Variants in NCKAP5 observed in about 807,000 individuals in gnomAD.
NCKAP5 encodes the protein nck-associated protein 5.
A neutral mutation model predicts 167.0 loss-of-function variants in NCKAP5; 92 were observed. The ratio of observed to expected loss-of-function variants is 0.55; its 90% CI spans 0.47 to 0.66. NCKAP5 has a LOEUF of 0.66. Among genes scored for constraint, NCKAP5 ranks in the 30% least tolerant of loss-of-function variants. NCKAP5 has a pLI of 0.00. For synonymous variants in NCKAP5, 891 were observed against 877.4 expected, an observed-to-expected ratio of 1.02 and a Z score of -0.27; for missense variants, 2,378 against 2,315.0, an observed-to-expected ratio of 1.03 and a Z score of -0.56.
chr2:133,330,244 ATTTTTTT>A (rs765058418), intron 3 of NCKAP5, among the ~76,000 whole-genome samples: 4 of 88,152 alleles, frequency 4.5e-5, no homozygotes, highest in South Asian at 4.4e-4. Context: ...TATTTTTTGT[ATTTTTTT>A]TTTTTTTTTT....
chr2:132,985,063 A>G (rs2077251221), intron 7 of NCKAP5, among the ~76,000 whole-genome samples: 1 of 151,918 alleles, frequency 6.6e-6, no homozygotes, highest in African/African-American at 2.4e-5. Context: ...AACAGCGGGT[A>G]CATACATTGG....
chr2:133,130,089 A>G lies in NCKAP5; in HGVS notation c.230T>C (p.Leu77Pro), dbSNP rs761153510. The G allele has an allele frequency of 8.1e-6, 13 of 1,610,786 alleles. No individual in the cohort carries two copies. The Admixed American group carries it at 2.2e-4, about 27-fold the overall frequency. ...AAGACGTAAGTGTCTCTCCTCTTCC[A>G]GTTCATGTATCAGCTTCTCATGCTA... ...GAMHEKLIHE[L>P]EEERHLRLQS... Residue 77 changes from leucine to proline, a missense_variant, in exon 6 of 20, where the codon CTG (leucine) becomes CCG (proline). Physicochemically the swap from Leu to Pro is moderately conservative, Grantham distance 98. Coordinates refer to ENST00000409261, the MANE Select transcript of NCKAP5 (RefSeq NM_207363.3).
chr2:133,483,475 T>C (rs1477086850), intron 3 of NCKAP5, among the ~76,000 whole-genome samples: 2 of 152,144 alleles, frequency 1.3e-5, no homozygotes, highest in Non-Finnish European at 2.9e-5. Context: ...CTTAGAAACT[T>C]GCAAATGAGT....
chr2:133,129,822 C>T (rs2082535074), intron 6 of NCKAP5, 156 bp downstream of exon 6: 1 of 791,858 alleles, frequency 1.3e-6, no homozygotes, highest in Admixed American at 4.0e-5. Flanking sequence ...GTCTGAATGC[C>T]ATAGGATGCT....
At chr2:133,040,664 A>T (rs2079186555) in intron 6 of NCKAP5, among the ~76,000 whole-genome samples, 1 of 152,220 alleles carries the variant, frequency 6.6e-6, no homozygotes, top group African/African-American at 2.4e-5. Context: ...TGAGAGGAAA[A>T]ATAATAATGT....
chr2:133,248,751 G>C (rs1362075595), intron 4 of NCKAP5, among the ~76,000 whole-genome samples: 1 of 152,208 alleles, frequency 6.6e-6, no homozygotes, highest in Admixed American at 6.5e-5. Context: ...CCTTGACTCA[G>C]ACTGATCCAG....
intron 6 of NCKAP5, among the ~76,000 whole-genome samples, chr2:133,064,443 C>A (rs2080119404): frequency 6.6e-6 from 1 of 151,898 alleles, no homozygotes. Context: ...GAACTGAAAA[C>A]CCAGTTTTCC....
intron 2 of NCKAP5, among the ~76,000 whole-genome samples, chr2:133,538,885 G>T (rs1685962027): frequency 6.7e-6 from 1 of 148,170 alleles, no homozygotes; most frequent in Non-Finnish European, 1.5e-5. Context: ...AGCTTCATCT[G>T]AGATGTACCT....
At chr2:132,845,895 CT>C (rs1439024807) in intron 11 of NCKAP5, among the ~76,000 whole-genome samples, 1 of 152,156 alleles carries the variant, frequency 6.6e-6, no homozygotes, top group Non-Finnish European at 1.5e-5. Context: ...ATAACATTGA[CT>C]TTTCTCATCT....
chr2:132,749,775 A>G (rs2104777240), intron 16 of NCKAP5, among the ~76,000 whole-genome samples: 1 of 152,270 alleles, frequency 6.6e-6, no homozygotes, highest in South Asian at 2.1e-4. Flanking sequence ...CTGCTTAGCC[A>G]CGCAGGACAG....
At chr2:132,692,018 C>T (rs1199736305) in intron 19 of NCKAP5, among the ~76,000 whole-genome samples, 3 of 152,290 alleles carry the variant, frequency 2.0e-5, no homozygotes, top group Non-Finnish European at 4.4e-5. Context: ...TACAAAACCT[C>T]TGTTCAAATG....
chr2:132,897,366 G>A, intron 8 of NCKAP5, among the ~76,000 whole-genome samples: 1 of 152,190 alleles, frequency 6.6e-6, no homozygotes, highest in East Asian at 1.9e-4. Flanking sequence ...CAGATGGCTG[G>A]GAAAACAGTG....
At chr2:133,578,587 A>G in the NCKAP5 span, among the ~76,000 whole-genome samples, 5 of 152,248 alleles carry the variant, frequency 3.3e-5, no homozygotes, top group Non-Finnish European at 7.3e-5. Context: ...CAGTCACTCC[A>G]AGGGGCCATA....
chr2:133,524,506 A>C (rs899857894), intron 2 of NCKAP5, among the ~76,000 whole-genome samples: 1 of 152,196 alleles, frequency 6.6e-6, no homozygotes, highest in Non-Finnish European at 1.5e-5. Flanking sequence ...TACGTATATC[A>C]TAAAACCTCA....
intron 1 of NCKAP5, among the ~76,000 whole-genome samples, chr2:133,564,400 T>C (rs1688398941): frequency 6.6e-6 from 1 of 152,212 alleles, no homozygotes; most frequent in African/African-American, 2.4e-5. Flanking sequence ...TACATTTTTT[T>C]CATTTATTGA....
chr2:133,605,313 T>G, the NCKAP5 span, among the ~76,000 whole-genome samples: 1 of 152,180 alleles, frequency 6.6e-6, no homozygotes, highest in Non-Finnish European at 1.5e-5. Flanking sequence ...TGAAAATCCT[T>G]GATCCTTGCC....
intron 2 of NCKAP5, among the ~76,000 whole-genome samples, chr2:133,544,071 G>A (rs542663145): frequency 6.6e-6 from 1 of 152,294 alleles, no homozygotes; most frequent in East Asian, 1.9e-4. Flanking sequence ...AGAAATAGCT[G>A]ATGATTTGTA....
chr2:133,667,414 A>G, the NCKAP5 span, among the ~76,000 whole-genome samples: 1 of 151,864 alleles, frequency 6.6e-6, no homozygotes, highest in Admixed American at 6.6e-5. Flanking sequence ...TACTCCCTCC[A>G]CACCAACAAA....
intron 8 of NCKAP5, among the ~76,000 whole-genome samples, chr2:132,956,291 T>C (rs1238399544): frequency 2.0e-5 from 3 of 152,204 alleles, no homozygotes; most frequent in African/African-American, 7.2e-5. Flanking sequence ...CTAAGTTGTT[T>C]TGATAGCTTT....
Sources: gnomAD v4.1 joint callset for allele counts (sites outside exome capture counted in the v4.1 genomes callset) on GRCh38, gnomAD v4.1.1 for gene constraint, MANE v1.5 for transcripts, NCBI Gene and HGNC (gene_info 2026-07-23, HGNC 2026-07-21) for gene names.